The following RFX3 variants were observed in gnomAD, a reference collection of about 807,000 sequenced individuals.
RFX3 encodes transcription factor RFX3.
Under a neutral mutation model 98.6 loss-of-function variants are expected in RFX3, and 14 were observed. The observed-to-expected ratio is 0.14, with a 90% confidence interval of 0.09 to 0.22. The LOEUF (loss-of-function observed/expected upper bound fraction) is 0.22. RFX3 is among the 10% of genes least tolerant of loss of function. RFX3 has a pLI of 1.00. For missense variants in RFX3, 639 were observed against 926.9 expected (o/e 0.69, Z 4.03); for synonymous variants, 383 against 328.4 (o/e 1.17, Z -1.80).
At chr9:3,451,516 C>A (rs560600537) in intron 1 of RFX3, among the ~76,000 whole-genome samples, 1 of 152,270 alleles carries the variant, frequency 6.6e-6, no homozygotes, top group South Asian at 2.1e-4. Context: ...TGCACTCCAG[C>A]CTGGGCAACA....
chr9:3,457,920 T>C (rs549518399), intron 1 of RFX3, among the ~76,000 whole-genome samples: 1 of 152,200 alleles, frequency 6.6e-6, no homozygotes, highest in East Asian at 1.9e-4. Flanking sequence ...GGCTTCTATA[T>C]TCCCAAGATA....
rs561407975 is a variant in RFX3 at position 3,283,077 on chromosome 9, A to G, written c.851+5054T>C. Among the ~76,000 whole-genome samples the G allele has an allele frequency of 1.4e-4, 22 of 151,860 alleles. 2 individuals are homozygous for G. The highest frequency in any genetic ancestry group is 4.8e-4 in the African/African-American group (20 of 41,510). On this transcript the variant is annotated intron_variant, in intron 7 of 16. Coordinates refer to ENST00000617270, the MANE Select transcript of RFX3 (RefSeq NM_001282116.2). ...ATTATTTATGTTTCTCCTCTCTTCA[A>G]TAGAAAAGATTATCATTACATCACC...
Position 3,373,783 on chromosome 9 carries a change from AAAATAC to A in RFX3, c.117+21683_117+21688del, listed in dbSNP as rs568817821. 7.3e-3 allele frequency among the ~76,000 whole-genome samples: 1,119 copies of A among 152,316 alleles called. 7 individuals are homozygous for A. Among genetic ancestry groups the A allele is most frequent in the South Asian group, 0.021 (100 of 4,828 alleles). On this transcript the variant is annotated intron_variant, in intron 2 of 16. Transcript: ENST00000617270. ...AAAGAAAAAGAAAAACAGACTTTTA[AAAATAC>A]AAGTACCAGCCAAGCACAGTGGCTC...
chr9:3,370,093 G>C (rs914145287), intron 2 of RFX3, among the ~76,000 whole-genome samples: 3 of 148,402 alleles, frequency 2.0e-5, no homozygotes, highest in Non-Finnish European at 4.4e-5. Context: ...CGCCCGCCTC[G>C]GCCTCCCAGA....
chr9:3,241,452 G>A (rs1819914364), intron 15 of RFX3, among the ~76,000 whole-genome samples: 2 of 152,142 alleles, frequency 1.3e-5, no homozygotes, highest in South Asian at 2.1e-4. Context: ...AGAAAGCCAC[G>A]CATAGGAAGC....
At chr9:3,248,992 C>T (rs1468526953) in intron 14 of RFX3, among the ~76,000 whole-genome samples, 1 of 152,010 alleles carries the variant, frequency 6.6e-6, no homozygotes, top group African/African-American at 2.4e-5. Context: ...TCATGCACTT[C>T]AAATCTTAAA....
intron 1 of RFX3, among the ~76,000 whole-genome samples, chr9:3,425,332 G>A (rs1158660693): frequency 1.3e-5 from 2 of 152,160 alleles, no homozygotes; most frequent in African/African-American, 2.4e-5. Flanking sequence ...AGTGTCAAAG[G>A]CCTTGTGATC....
chr9:3,324,166 T>A (rs1157751728), intron 4 of RFX3: 2 of 272,308 alleles, frequency 7.3e-6, no homozygotes, highest in East Asian at 1.9e-4. Context: ...CCTGCCAAAA[T>A]AAGTGGACAG....
chr9:3,383,405 G>A (rs995307366), intron 2 of RFX3, among the ~76,000 whole-genome samples: 2 of 152,086 alleles, frequency 1.3e-5, no homozygotes, highest in Admixed American at 6.6e-5. Context: ...TCTTTACCAT[G>A]GGGTTGCCAT....
In RFX3 at chr9:3,270,825, TAC is replaced by T. The variant is rs1476131935; in HGVS notation, c.1202+176_1202+177del. ...CAAATCAGTACAAATGGGAGCTATA[TAC>T]ACACACTGAAACCTCAAGAGAGCAG... On this transcript the variant is annotated intron_variant, in intron 10 of 16. Coordinates refer to ENST00000617270, the MANE Select transcript of RFX3 (RefSeq NM_001282116.2). The T allele has an allele frequency of 3.6e-6, 3 of 823,688 alleles. No individual in the cohort carries two copies. The African/African-American group carries it at 5.1e-5, about 14-fold the overall frequency. The allele number at this position is 823,688 out of a possible 1,614,324, so 51.0% of individuals were successfully genotyped here.
chr9:3,370,647 CATA>C (rs1352168708), intron 2 of RFX3, among the ~76,000 whole-genome samples: 3 of 152,032 alleles, frequency 2.0e-5, no homozygotes, highest in Non-Finnish European at 4.4e-5. Context: ...CTTCTCAAAA[CATA>C]ATAAACTGCA....
intron 2 of RFX3, among the ~76,000 whole-genome samples, chr9:3,370,407 AAC>A (rs1837707419): frequency 6.6e-6 from 1 of 151,808 alleles, no homozygotes; most frequent in Non-Finnish European, 1.5e-5. Context: ...TGTGGTTCAA[AAC>A]AGTCTTCAAT....
In RFX3 at chr9:3,522,436, G is replaced by A. The variant is rs574371296; in HGVS notation, c.-9+3311C>T. Among the ~76,000 whole-genome samples, 83 of 152,224 alleles carry A rather than the reference G, an allele frequency of 5.5e-4. 2 individuals are homozygous for A. The South Asian group carries it at 0.016, about 30-fold the overall frequency. ...TTCAGCATTAAAACAAAATAACCAG[G>A]AGCCTCTCAAAAATGTTAAAGTTTA... On this transcript the variant is annotated intron_variant, in intron 1 of 16. Coordinates refer to ENST00000617270, the MANE Select transcript of RFX3 (RefSeq NM_001282116.2).
At chr9:3,516,864 A>G (rs1369845743) in intron 1 of RFX3, among the ~76,000 whole-genome samples, 6 of 152,182 alleles carry the variant, frequency 3.9e-5, no homozygotes, top group African/African-American at 1.4e-4. Flanking sequence ...ACACACATAG[A>G]GAAGCTGGCT....
At chr9:3,475,166 C>G (rs1018803047) in intron 1 of RFX3, among the ~76,000 whole-genome samples, 1 of 150,958 alleles carries the variant, frequency 6.6e-6, no homozygotes, top group African/African-American at 2.4e-5. Flanking sequence ...CAACTATAAA[C>G]AGTTATAAAT....
intron 7 of RFX3, among the ~76,000 whole-genome samples, chr9:3,284,349 TCTAA>T (rs1456213047): frequency 4.0e-5 from 6 of 151,790 alleles, no homozygotes; most frequent in Non-Finnish European, 7.4e-5. Flanking sequence ...TCTATAATAA[TCTAA>T]CTTACTTATT....
chr9:3,330,295 G>C lies in RFX3; in HGVS notation c.438C>G (p.His146Gln), dbSNP rs781147027. 4.3e-6 allele frequency: 7 copies of C among 1,613,966 alleles called. No individual in the cohort carries two copies. The African/African-American group carries it at 8.0e-5, about 18-fold the overall frequency. The change falls in exon 4 of 17, where the codon CAC (histidine) becomes CAG (glutamine). Residue 146 changes from histidine to glutamine, a missense_variant. Coordinates refer to ENST00000617270, the MANE Select transcript of RFX3 (RefSeq NM_001282116.2). ...LIGNSMENSGHSVTHTTRASP... is the reference protein window; with the variant it reads ...LIGNSMENSGQSVTHTTRASP... ...AGGCCCGAGTTGTGTGTGTCACTGAGTGACCAGAATTCTCCATTGAGTTGC... is the reference window on the plus strand; with the variant it reads ...AGGCCCGAGTTGTGTGTGTCACTGACTGACCAGAATTCTCCATTGAGTTGC...
At chr9:3,233,599 G>T (rs925336331) in intron 15 of RFX3, among the ~76,000 whole-genome samples, 1 of 152,180 alleles carries the variant, frequency 6.6e-6, no homozygotes, top group African/African-American at 2.4e-5. Flanking sequence ...AGGGGATTGG[G>T]ATGAAGACCT....
At chr9:3,463,822 A>C (rs1224687866) in intron 1 of RFX3, among the ~76,000 whole-genome samples, 4 of 152,110 alleles carry the variant, frequency 2.6e-5, no homozygotes, top group African/African-American at 4.8e-5. Context: ...AAGTTAAAAA[A>C]AATTAGCCAG....
Sources: allele counts gnomAD v4.1 joint callset (sites outside exome capture counted in the v4.1 genomes callset), GRCh38; gene constraint gnomAD v4.1.1; transcripts MANE v1.5; gene names NCBI Gene and HGNC (gene_info 2026-07-23, HGNC 2026-07-21).